The following COL4A4 variants were observed in gnomAD, a reference collection of about 807,000 sequenced individuals.
COL4A4 encodes the protein collagen alpha-4(IV) chain.
In COL4A4, 105 loss-of-function variants were observed where a neutral mutation model predicts 192.9. The observed-to-expected ratio is 0.54, with a 90% CI of 0.46 to 0.64. COL4A4 has a LOEUF of 0.64. COL4A4 is among the 30% of genes least tolerant of loss of function. COL4A4 has a pLI of 0.00. For synonymous variants in COL4A4, 762 were observed against 769.9 expected (o/e 0.99, Z 0.17); for missense variants, 1,967 against 2,169.3 (o/e 0.91, Z 1.85).
chr2:227,107,083 C>T (rs887014358), intron 12 of COL4A4, among the ~76,000 whole-genome samples: 1 of 152,148 alleles, frequency 6.6e-6, no homozygotes, highest in Non-Finnish European at 1.5e-5. Flanking sequence ...GTGGCTTCGA[C>T]GAACATATTC....
intron 42 of COL4A4, 53 bp downstream of exon 42, chr2:227,027,849 G>T: frequency 2.4e-6 from 3 of 1,232,298 alleles, no homozygotes; most frequent in South Asian, 2.4e-5. Context: ...TCTGAACGAT[G>T]ATCATTTTAG....
rs571956825 is a variant in COL4A4 at position 227,003,656 on chromosome 2, A to G, written c.*3669T>C. The stretch of plus-strand genomic sequence containing the variant: ...ATTGTAGTGCACCATTCCATTGACT[A>G]TTTTTCGGAGCACCAATAACATGTA... On this transcript the variant is annotated 3_prime_UTR_variant, in exon 48 of 48. Transcript: ENST00000396625. 3.3e-5 allele frequency: 5 copies of G among 152,278 alleles called. No homozygotes were observed. The South Asian group carries it at 1.0e-3, about 32-fold the overall frequency. 9.4% of individuals were successfully genotyped at this position (152,278 alleles called of 1,614,324 possible).
intron 4 of COL4A4, among the ~76,000 whole-genome samples, chr2:227,127,454 G>A (rs1285971470): frequency 6.6e-6 from 1 of 152,162 alleles, no homozygotes; most frequent in Admixed American, 6.5e-5. Flanking sequence ...CAGAACCGCC[G>A]GCCTCCCTGT....
chr2:227,144,655 T>G (rs2063428745), intron 2 of COL4A4, 97 bp from the exon 3 acceptor site: 1 of 1,000,418 alleles, frequency 1.0e-6, no homozygotes, highest in East Asian at 2.5e-5. Context: ...AAAGCTACTT[T>G]TTATTTCTAT....
chr2:227,096,397 G>C lies in COL4A4; in HGVS notation c.1205-2108C>G, dbSNP rs549469185. Among the ~76,000 whole-genome samples, 4 of 152,242 alleles carry C rather than the reference G, an allele frequency of 2.6e-5. No individual in the cohort carries two copies. In the South Asian group the frequency reaches 8.3e-4, roughly 32 times the overall value. On this transcript the variant is annotated intron_variant, in intron 19 of 47. Coordinates refer to ENST00000396625, the MANE Select transcript of COL4A4 (RefSeq NM_000092.5). ...GTTTTAGGAAATTTTTTCCGCAAGA[G>C]ATAACTGAAACCCTGTCAGTAATCA...
At position 227,008,361 on chromosome 2, in the gene COL4A4, G is replaced by C. The variant is rs1559397370; in HGVS notation, c.4523-57C>G. On this transcript the variant is annotated intron_variant, in intron 46 of 47. Transcript: ENST00000396625. ...CAAGCACCCCATGTAGGTGTTCCCA[G>C]ACCCTTCCTTCCTCCATCTGGCCTT... 1.9e-6 allele frequency: 3 copies of C among 1,576,430 alleles called. No homozygotes were observed. The East Asian group carries it at 6.7e-5, about 35-fold the overall frequency.
Position 227,083,427 on chromosome 2 carries a change from A to T in COL4A4, c.1624-1240T>A, listed in dbSNP as rs547884322. ...TTGCTTTGCTCACACAGATGCCACT[A>T]CCTTGTCGTATTTTCTTTTTATTTA... On this transcript the variant is annotated intron_variant, in intron 22 of 47. Coordinates refer to ENST00000396625, the MANE Select transcript of COL4A4 (RefSeq NM_000092.5). 2.6e-5 allele frequency among the ~76,000 whole-genome samples: 4 copies of T among 152,136 alleles called. No homozygotes were observed. In the East Asian group the frequency reaches 5.8e-4, roughly 22 times the overall value.
chr2:227,108,897 C>A (rs1349343437), intron 10 of COL4A4, 29 bp from the exon 11 acceptor site: 1 of 1,607,496 alleles, frequency 6.2e-7, no homozygotes, highest in Non-Finnish European at 8.5e-7. Context: ...AAACACAAAT[C>A]AATCATCAGA....
chr2:227,001,097 T>TTTC (rs1173003052), downstream of COL4A4, among the ~76,000 whole-genome samples: 1 of 150,364 alleles, frequency 6.7e-6, no homozygotes, highest in East Asian at 1.9e-4. Flanking sequence ...TCTTTTCTTT[T>TTTC]TTCTTTTTTT....
At chr2:226,981,712 G>A in the COL4A4 span, among the ~76,000 whole-genome samples, 170 of 152,314 alleles carry the variant, frequency 1.1e-3, 1 homozygote, top group Non-Finnish European at 2.0e-3. Flanking sequence ...AGAAACAGGC[G>A]TGGTTTTAAA....
chr2:227,000,174 G>C (rs545599877), downstream of COL4A4, among the ~76,000 whole-genome samples: 5 of 152,154 alleles, frequency 3.3e-5, no homozygotes, highest in Non-Finnish European at 7.3e-5. Flanking sequence ...TCTCGTTATA[G>C]AGGAGCACCA....
At chr2:226,968,216 CT>C in the COL4A4 span, among the ~76,000 whole-genome samples, 1 of 152,216 alleles carries the variant, frequency 6.6e-6, no homozygotes, top group African/African-American at 2.4e-5. Context: ...GGGATATTAC[CT>C]GGTTTATCAG....
the COL4A4 span, among the ~76,000 whole-genome samples, chr2:226,978,710 A>T: frequency 6.6e-6 from 1 of 152,182 alleles, no homozygotes. Flanking sequence ...GTAATCACTA[A>T]CCATGGCATC....
In COL4A4 at chr2:227,147,517, G is replaced by C. The variant is rs777736550; in HGVS notation, c.-34C>G. 6.3e-7 allele frequency: 1 copy of C among 1,586,756 alleles called. No homozygotes were observed. Among genetic ancestry groups the C allele is most frequent in the East Asian group, 2.2e-5 (1 of 44,702 alleles). ...AGTCTTAGTACTTAAAAAATATTCTGCCAGTCTTCTCTTCCAGAAGGTTCT... is the reference window on the plus strand; with the variant it reads ...AGTCTTAGTACTTAAAAAATATTCTCCCAGTCTTCTCTTCCAGAAGGTTCT... On this transcript the variant is annotated 5_prime_UTR_variant, in exon 2 of 48. Transcript: ENST00000396625.
chr2:227,059,045 C>G (rs974087299), intron 28 of COL4A4, among the ~76,000 whole-genome samples: 4 of 152,192 alleles, frequency 2.6e-5, no homozygotes, highest in Non-Finnish European at 5.9e-5. Flanking sequence ...GCTCCAGCCT[C>G]TAAGCCACTC....
chr2:227,162,360 C>T (rs2064904302), intron 1 of COL4A4, among the ~76,000 whole-genome samples: 1 of 152,178 alleles, frequency 6.6e-6, no homozygotes, highest in Admixed American at 6.5e-5. Flanking sequence ...CAAAGAGAAG[C>T]ATTTAACATT....
the COL4A4 span, among the ~76,000 whole-genome samples, chr2:226,975,611 T>C: frequency 2.0e-5 from 3 of 152,184 alleles, no homozygotes; most frequent in Non-Finnish European, 4.4e-5. Context: ...TCTGCTTGGA[T>C]TTAAAGATGG....
intron 25 of COL4A4, among the ~76,000 whole-genome samples, chr2:227,069,561 G>A (rs1442331322): frequency 6.6e-5 from 10 of 152,010 alleles, no homozygotes; most frequent in Admixed American, 2.6e-4. Flanking sequence ...CAGAAATAAC[G>A]CCGCATATCT....
rs879126829 is a variant in COL4A4, at chr2:227,047,625, T to C, written c.3215-76A>G. 4.0e-5 allele frequency: 37 copies of C among 925,562 alleles called. No homozygotes were observed. The South Asian group carries it at 4.8e-4, about 12-fold the overall frequency. The allele number at this position is 925,562 out of a possible 1,614,324, so 57.3% of individuals were successfully genotyped here. ...CTCATACAGGTGACAGTAACGTTTA[T>C]GGTATTTGTATAGCTTATCTTCAGA... On this transcript the variant is annotated intron_variant, in intron 34 of 47. Transcript: ENST00000396625.
Sources: allele counts gnomAD v4.1 joint callset (sites outside exome capture counted in the v4.1 genomes callset), GRCh38; gene constraint gnomAD v4.1.1; transcripts MANE v1.5; gene names NCBI Gene and HGNC (gene_info 2026-07-23, HGNC 2026-07-21).